The following VSX2 variants were observed in gnomAD, a reference collection of about 807,000 sequenced individuals.
VSX2 encodes the protein ceh-10 homeo domain containing homolog.
Under a neutral mutation model 32.1 loss-of-function variants are expected in VSX2, and 28 were observed. The observed-to-expected ratio is 0.87, with a 90% CI of 0.65 to 1.20. The LOEUF is 1.20. VSX2 is among the 50% of genes most tolerant of loss of function. The probability of loss-of-function intolerance (pLI) is 0.00; values close to 1 mark genes in which losing one functional copy is unlikely to be tolerated. For synonymous variants in VSX2, 243 were observed against 214.1 expected (o/e 1.14, Z -1.18); for missense variants, 506 against 488.7 (o/e 1.04, Z -0.33).
chr14:74,253,849 G>A (rs970754618), intron 3 of VSX2, among the ~76,000 whole-genome samples: 9 of 152,162 alleles, frequency 5.9e-5, no homozygotes, highest in Admixed American at 1.3e-4. Flanking sequence ...AGAATCGCTC[G>A]AATCTGGGAG....
intron 1 of VSX2, among the ~76,000 whole-genome samples, chr14:74,240,826 G>A (rs1014744988): frequency 1.3e-5 from 2 of 152,138 alleles, no homozygotes; most frequent in Admixed American, 6.5e-5. Context: ...TTTCCGGCCC[G>A]GGGCATTGGG....
chr14:74,255,630 C>T (rs1242884286), intron 3 of VSX2, among the ~76,000 whole-genome samples: 1 of 152,128 alleles, frequency 6.6e-6, no homozygotes, highest in African/African-American at 2.4e-5. Context: ...GAGTCTGCAC[C>T]CCCTTCTTTA....
intron 3 of VSX2, among the ~76,000 whole-genome samples, chr14:74,245,730 C>T (rs532639092): frequency 5.7e-4 from 86 of 152,142 alleles, no homozygotes; most frequent in African/African-American, 2.0e-3. Context: ...CTGTTTCCCT[C>T]CCCTCTCCTC....
At position 74,244,945 on chromosome 14, in the gene VSX2, AGT is replaced by A. The variant is rs59905689; in HGVS notation, c.456-184_456-183del. ...GTGTGTGTGTGAAAGAGAGAGAGAA[AGT>A]GTGTGTGTGTGTGTGTGTGTGTGTG... On this transcript the variant is annotated intron_variant, in intron 2 of 4. Coordinates refer to ENST00000261980, the MANE Select transcript of VSX2 (RefSeq NM_182894.3). 0.068 allele frequency among the ~76,000 whole-genome samples: 4,039 copies of A among 59,696 alleles called. 178 individuals are homozygous for A. Among genetic ancestry groups the A allele is most frequent in the Admixed American group, 0.092 (510 of 5,550 alleles). The allele number at this position is 59,696 out of a possible 152,430, so 39.2% of individuals were successfully genotyped here.
At chr14:74,243,473 C>G (rs1395424694) in intron 2 of VSX2, among the ~76,000 whole-genome samples, 2 of 151,978 alleles carry the variant, frequency 1.3e-5, no homozygotes, top group African/African-American at 4.8e-5. Flanking sequence ...AGGGGCTCTC[C>G]GAAGTAGGGA....
At chr14:74,248,287 A>T (rs180966824) in intron 3 of VSX2, among the ~76,000 whole-genome samples, 1 of 147,768 alleles carries the variant, frequency 6.8e-6, no homozygotes, top group Admixed American at 6.9e-5. Flanking sequence ...GCACTTTGGG[A>T]ATCTGAGGTG....
In VSX2 at chr14:74,261,622, C is replaced by G. The variant is rs1403013258; in HGVS notation, c.*703C>G. The G allele has an allele frequency of 6.5e-6, 1 of 153,206 alleles. No homozygotes were observed. The highest frequency in any genetic ancestry group is 1.5e-5 in the Non-Finnish European group (1 of 68,732). 9.5% of individuals were successfully genotyped at this position (153,206 alleles called of 1,614,324 possible). A position where few individuals can be genotyped will look rare whatever the true frequency, so the allele number is the denominator to read the frequency against. ...CACCCTCAGGAACCCACCCTCTCCACACCCAGCCTGTCCCACTGGCTCCTC... is the reference window on the plus strand; with the variant it reads ...CACCCTCAGGAACCCACCCTCTCCAGACCCAGCCTGTCCCACTGGCTCCTC... On this transcript the variant is annotated 3_prime_UTR_variant, in exon 5 of 5. Coordinates refer to ENST00000261980, the MANE Select transcript of VSX2 (RefSeq NM_182894.3).
At chr14:74,254,126 G>C (rs937757106) in intron 3 of VSX2, among the ~76,000 whole-genome samples, 4 of 151,714 alleles carry the variant, frequency 2.6e-5, no homozygotes, top group Non-Finnish European at 4.4e-5. Context: ...AATGTGGGGA[G>C]AGGCCAGGCG....
chr14:74,258,424 C>A (rs538446050), intron 3 of VSX2, among the ~76,000 whole-genome samples: 270 of 152,280 alleles, frequency 1.8e-3, no homozygotes, highest in African/African-American at 6.2e-3. Flanking sequence ...AGGGCGGCGC[C>A]GGCCCAGACC....
At chr14:74,241,317 TC>T in intron 2 of VSX2, 51 bp downstream of exon 2, 1 of 1,581,494 alleles carries the variant, frequency 6.3e-7, no homozygotes. Context: ...CCCGCTGCCG[TC>T]CCCCGTTCCG....
chr14:74,245,304 C>A lies in VSX2; in HGVS notation c.579+16C>A. 6.2e-7 allele frequency: 1 copy of A among 1,613,144 alleles called. No individual in the cohort carries two copies. ...CAGGATACAGGTAACAGCCCTGAGC[C>A]CCTCTCCCCTCCACTCTCCCCTCTC... On this transcript the variant is annotated intron_variant, in intron 3 of 4. Transcript: ENST00000261980.
At chr14:74,244,391 G>A (rs2079170522) in intron 2 of VSX2, among the ~76,000 whole-genome samples, 1 of 152,054 alleles carries the variant, frequency 6.6e-6, no homozygotes, top group Non-Finnish European at 1.5e-5. Context: ...AATAGGACTG[G>A]AAAAGGCTCG....
At chr14:74,260,192 C>T (rs541492488) in intron 4 of VSX2, among the ~76,000 whole-genome samples, 4 of 152,292 alleles carry the variant, frequency 2.6e-5, no homozygotes, top group East Asian at 1.9e-4. Context: ...GGACTTCTGT[C>T]CCCCAAATCT....
At chr14:74,247,088 G>T (rs896043679) in intron 3 of VSX2, among the ~76,000 whole-genome samples, 1 of 152,058 alleles carries the variant, frequency 6.6e-6, no homozygotes, top group African/African-American at 2.4e-5. Context: ...TGTGGATATC[G>T]GAGAAATGAG....
chr14:74,248,344 A>AAAAC (rs1566885623), intron 3 of VSX2, among the ~76,000 whole-genome samples: 4 of 138,706 alleles, frequency 2.9e-5, no homozygotes, highest in African/African-American at 1.0e-4. Context: ...TAAAAAAAAA[A>AAAAC]AAAAAAACAA....
At chr14:74,240,496 T>C (rs1684268131) in intron 1 of VSX2, among the ~76,000 whole-genome samples, 1 of 151,924 alleles carries the variant, frequency 6.6e-6, no homozygotes, top group Non-Finnish European at 1.5e-5. Context: ...CGCCACTATA[T>C]ACTGGAGCCC....
rs930892204 is a variant in VSX2, at chr14:74,245,201, G to A, written c.492G>A (p.Glu164=). The change falls in exon 3 of 5, where the codon GAG becomes GAA. Residue 164 remains glutamate, a synonymous_variant. Transcript: ENST00000261980. ...IFTSYQLEEL[E]KAFNEAHYPD... ...CCTCCTACCAGCTAGAGGAGCTGGA[G>A]AAGGCATTCAACGAAGCCCACTACC... The A allele has an allele frequency of 1.2e-6, 2 of 1,613,760 alleles. No homozygotes were observed. The highest frequency in any genetic ancestry group is 2.7e-5 in the African/African-American group (2 of 74,896).
intron 4 of VSX2, 110 bp downstream of exon 4, chr14:74,259,892 C>A: frequency 8.3e-7 from 1 of 1,199,862 alleles, no homozygotes; most frequent in Non-Finnish European, 1.1e-6. Flanking sequence ...AGCAGCCTAG[C>A]AGGAGAGAAA....
At chr14:74,258,670 C>T (rs2079283687) in intron 3 of VSX2, among the ~76,000 whole-genome samples, 1 of 152,154 alleles carries the variant, frequency 6.6e-6, no homozygotes, top group African/African-American at 2.4e-5. Context: ...GGGAAATCTC[C>T]GGAAAGCTGC....
Sources: gnomAD v4.1 joint callset for allele counts (sites outside exome capture counted in the v4.1 genomes callset) on GRCh38, gnomAD v4.1.1 for gene constraint, MANE v1.5 for transcripts, NCBI Gene and HGNC (gene_info 2026-07-23, HGNC 2026-07-21) for gene names.